Variants in SORCS2 observed in about 807,000 individuals in gnomAD.
SORCS2 encodes VPS10 domain-containing receptor SorCS2.
SORCS2 carries 100 observed loss-of-function variants against 141.6 expected under a neutral mutation model. That is an observed-to-expected ratio of 0.71 (90% CI 0.60 to 0.83). The LOEUF (loss-of-function observed/expected upper bound fraction) is 0.83. Among genes scored for constraint, SORCS2 ranks in the 40% least tolerant of loss-of-function variants. The probability of loss-of-function intolerance (pLI) is 0.00; values close to 1 mark genes in which losing one functional copy is unlikely to be tolerated. For missense variants in SORCS2, 1,646 were observed against 1,560.2 expected (o/e 1.05, Z -0.93); for synonymous variants, 789 against 676.9 (o/e 1.17, Z -2.57).
intron 2 of SORCS2, among the ~76,000 whole-genome samples, chr4:7,496,560 A>G (rs565587352): frequency 6.7e-6 from 1 of 149,060 alleles, no homozygotes; most frequent in African/African-American, 2.4e-5. Flanking sequence ...GTGTCAGGAA[A>G]TCAGTTGAGG....
At chr4:7,447,528 G>C (rs1465517711) in intron 2 of SORCS2, among the ~76,000 whole-genome samples, 1 of 152,220 alleles carries the variant, frequency 6.6e-6, no homozygotes, top group Non-Finnish European at 1.5e-5. Context: ...GATCATAGTA[G>C]ATCCATCATT....
intron 1 of SORCS2, among the ~76,000 whole-genome samples, chr4:7,349,095 T>C (rs1424911092): frequency 6.6e-6 from 1 of 152,196 alleles, no homozygotes; most frequent in East Asian, 1.9e-4. Context: ...CTTATGCCAG[T>C]CACTGAGCTT....
chr4:7,687,974 A>G (rs1220365022), intron 10 of SORCS2, among the ~76,000 whole-genome samples: 2 of 152,210 alleles, frequency 1.3e-5, no homozygotes, highest in African/African-American at 4.8e-5. Context: ...ATCGTACAAC[A>G]TGTAATACAA....
chr4:7,664,348 T>C lies in SORCS2; in HGVS notation c.953-5T>C. ...ACCGCCTGGGTCGGCGCCTCTCTCC[T>C]GTAGATTTTCGGTACGTCACCTGCG... On this transcript the variant is annotated splice_region_variant and splice_polypyrimidine_tract_variant and intron_variant, in intron 6 of 26. Coordinates refer to ENST00000507866, the MANE Select transcript of SORCS2 (RefSeq NM_020777.3). The surrounding 1 kb of genome is among the most constrained non-coding windows in gnomAD (Gnocchi z 4.7). The C allele has an allele frequency of 1.2e-6, 2 of 1,612,496 alleles. No individual in the cohort carries two copies. The highest frequency in any genetic ancestry group is 1.7e-6 in the Non-Finnish European group (2 of 1,178,994).
At chr4:7,472,636 G>A (rs1730047946) in intron 2 of SORCS2, among the ~76,000 whole-genome samples, 1 of 152,198 alleles carries the variant, frequency 6.6e-6, no homozygotes. Context: ...CCGCGCTTCT[G>A]GGAAGGACAC....
At position 7,663,330 on chromosome 4, in the gene SORCS2, T is replaced by TTGAG. The variant is rs920546700; in HGVS notation, c.953-1005_953-1002dup. Among the ~76,000 whole-genome samples, 18 of 149,796 alleles carry TTGAG rather than the reference T, an allele frequency of 1.2e-4. No individual in the cohort carries two copies. Among genetic ancestry groups the TTGAG allele is most frequent in the Admixed American group, 4.0e-4 (6 of 15,082 alleles). ...AGTGAATGAATGAGTGAGTGAGTGA[T>TTGAG]TGAGTGAGTGAGTGAGTGAGTCAGT... On this transcript the variant is annotated intron_variant, in intron 6 of 26. Coordinates refer to ENST00000507866, the MANE Select transcript of SORCS2 (RefSeq NM_020777.3). This position sits in a 1 kb window ranked among gnomAD's most constrained non-coding sequence, Gnocchi z 4.8.
At chr4:7,724,169 G>GATGGTGATGGTGA (rs1726834041) in intron 19 of SORCS2, among the ~76,000 whole-genome samples, 11 of 147,472 alleles carry the variant, frequency 7.5e-5, no homozygotes, top group African/African-American at 2.8e-4. Flanking sequence ...GGTGATGGTG[G>GATGGTGATGGTGA]TGATGGTGAT....
At chr4:7,311,510 C>T (rs1718183562) in intron 1 of SORCS2, among the ~76,000 whole-genome samples, 1 of 152,180 alleles carries the variant, frequency 6.6e-6, no homozygotes, top group Non-Finnish European at 1.5e-5. Flanking sequence ...TTTTATATCT[C>T]CACCAGCAAT....
chr4:7,451,709 G>A (rs932862856), intron 2 of SORCS2, among the ~76,000 whole-genome samples: 2 of 152,254 alleles, frequency 1.3e-5, no homozygotes, highest in Non-Finnish European at 2.9e-5. Flanking sequence ...GGGGTGGTGG[G>A]GGGGCTATAG....
chr4:7,322,501 C>T lies in SORCS2; in HGVS notation c.481-73787C>T, dbSNP rs114771746. On this transcript the variant is annotated intron_variant, in intron 1 of 26. Transcript: ENST00000507866. ...AGAGTTGGCCTCATCTCCGCTCTACCAGGGGCCTGGCAGGGCTGGCAAAGT... is the reference window on the plus strand; with the variant it reads ...AGAGTTGGCCTCATCTCCGCTCTACTAGGGGCCTGGCAGGGCTGGCAAAGT... Among the ~76,000 whole-genome samples the T allele has an allele frequency of 6.0e-3, 920 of 152,286 alleles. 6 individuals carry two copies. Among genetic ancestry groups the T allele is most frequent in the African/African-American group, 0.021 (875 of 41,556 alleles).
chr4:7,249,141 G>T (rs970376417), intron 1 of SORCS2, among the ~76,000 whole-genome samples: 2 of 152,208 alleles, frequency 1.3e-5, no homozygotes, highest in African/African-American at 4.8e-5. Context: ...CCCCTGAATA[G>T]TTCTTGCTTG....
At chr4:7,673,554 T>G (rs1722915957) in intron 8 of SORCS2, among the ~76,000 whole-genome samples, 1 of 152,106 alleles carries the variant, frequency 6.6e-6, no homozygotes, top group Non-Finnish European at 1.5e-5. Context: ...AAACTACACA[T>G]GAAAAAAATA....
intron 15 of SORCS2, 25 bp downstream of exon 15, chr4:7,712,878 G>A (rs530969956): frequency 2.3e-5 from 37 of 1,612,082 alleles, no homozygotes; most frequent in African/African-American, 1.2e-4. Context: ...GGCTGGGATC[G>A]GGCAGGTGGG....
intron 1 of SORCS2, among the ~76,000 whole-genome samples, chr4:7,258,853 A>G (rs1200642918): frequency 6.6e-6 from 1 of 152,140 alleles, no homozygotes; most frequent in African/African-American, 2.4e-5. Context: ...TGTGGTTTTG[A>G]TCTGCATTTC....
In SORCS2 at chr4:7,740,673, G is replaced by A. The variant is rs964086571; in HGVS notation, c.*409G>A. 9.1e-5 allele frequency: 25 copies of A among 274,254 alleles called. No individual in the cohort carries two copies. Among genetic ancestry groups the A allele is most frequent in the African/African-American group, 4.7e-4 (22 of 47,116 alleles). The allele number at this position is 274,254 out of a possible 1,614,324, so 17.0% of individuals were successfully genotyped here. ...ACACTGCGTTGCGGGCTCCTTCCCC[G>A]CAGAGGCCGGGGCCTCCCTGACTTT... On this transcript the variant is annotated 3_prime_UTR_variant, in exon 27 of 27. Coordinates refer to ENST00000507866, the MANE Select transcript of SORCS2 (RefSeq NM_020777.3).
intron 2 of SORCS2, among the ~76,000 whole-genome samples, chr4:7,448,568 TTG>T: frequency 7.8e-6 from 1 of 127,818 alleles, no homozygotes. Context: ...CTACCCTCCC[TTG>T]CTTCCTTCCT....
At chr4:7,630,478 G>C (rs983632959) in intron 3 of SORCS2, among the ~76,000 whole-genome samples, 1 of 152,192 alleles carries the variant, frequency 6.6e-6, no homozygotes, top group Non-Finnish European at 1.5e-5. Context: ...TGAAGGTGAG[G>C]AGAGGGACTT....
intron 1 of SORCS2, among the ~76,000 whole-genome samples, chr4:7,377,010 G>A (rs1297676106): frequency 1.3e-5 from 2 of 151,582 alleles, no homozygotes; most frequent in African/African-American, 4.8e-5. Flanking sequence ...AAAGTGGTTT[G>A]TGCCTGCAAA....
chr4:7,454,950 T>G, intron 2 of SORCS2, among the ~76,000 whole-genome samples: 1 of 140,164 alleles, frequency 7.1e-6, no homozygotes, highest in Non-Finnish European at 1.5e-5. Flanking sequence ...TCAGGAGCTG[T>G]GTGTTGGGGT....
Sources: gnomAD v4.1 joint callset for allele counts (sites outside exome capture counted in the v4.1 genomes callset) on GRCh38, gnomAD v4.1.1 for gene constraint, Gnocchi (gnomAD v3.1) non-coding constraint, MANE v1.5 for transcripts, NCBI Gene and HGNC (gene_info 2026-07-23, HGNC 2026-07-21) for gene names.